Variants in NRG3 observed in about 807,000 individuals in gnomAD.
NRG3 encodes neuregulin 3.
In NRG3, 31 loss-of-function variants were observed where a neutral mutation model predicts 66.9. That is an observed-to-expected ratio of 0.46 (90% CI 0.35 to 0.63). NRG3 has a LOEUF of 0.63. Among genes scored for constraint, NRG3 ranks in the 20% least tolerant of loss-of-function variants. The pLI is 0.00. For missense variants in NRG3, 910 were observed against 878.9 expected (o/e 1.04, Z -0.45); for synonymous variants, 393 against 359.4 (o/e 1.09, Z -1.06).
At chr10:81,965,407 A>G (rs1396987896) in intron 1 of NRG3, among the ~76,000 whole-genome samples, 2 of 152,146 alleles carry the variant, frequency 1.3e-5, no homozygotes, top group African/African-American at 4.8e-5. Flanking sequence ...TAGATTTAAT[A>G]GAGTTTATAT....
chr10:82,611,677 AT>A (rs2048325952), intron 2 of NRG3, among the ~76,000 whole-genome samples: 1 of 152,198 alleles, frequency 6.6e-6, no homozygotes, highest in African/African-American at 2.4e-5. Context: ...ATTGATGGAC[AT>A]TTGGGTTGGT....
At chr10:82,336,927 T>G (rs1181994893) in intron 1 of NRG3, among the ~76,000 whole-genome samples, 1 of 152,220 alleles carries the variant, frequency 6.6e-6, no homozygotes, top group Admixed American at 6.5e-5. Context: ...ATATTTGTTC[T>G]GAAACAAAGG....
intron 4 of NRG3, among the ~76,000 whole-genome samples, chr10:82,934,270 A>G (rs1847861404): frequency 6.6e-6 from 1 of 152,260 alleles, no homozygotes; most frequent in African/African-American, 2.4e-5. Context: ...CGGTTAGGAC[A>G]TAAAGTAAAC....
intron 2 of NRG3, among the ~76,000 whole-genome samples, chr10:82,367,120 AT>A (rs1728725308): frequency 1.3e-5 from 2 of 152,120 alleles, no homozygotes; most frequent in African/African-American, 4.8e-5. Flanking sequence ...ATGTATAACT[AT>A]TCAATGTCAT....
At chr10:82,169,208 T>G (rs1038511079) in intron 1 of NRG3, among the ~76,000 whole-genome samples, 1 of 152,136 alleles carries the variant, frequency 6.6e-6, no homozygotes, top group Admixed American at 6.6e-5. Flanking sequence ...CTTTTATTCT[T>G]ATAATTCTAA....
intron 1 of NRG3, among the ~76,000 whole-genome samples, chr10:82,074,038 G>A (rs2064952883): frequency 6.6e-6 from 1 of 151,576 alleles, no homozygotes; most frequent in African/African-American, 2.4e-5. Context: ...TGAAAAGAGA[G>A]ATACAGCAGC....
chr10:82,892,794 GTAT>G (rs1843281997), intron 4 of NRG3, among the ~76,000 whole-genome samples: 2 of 151,836 alleles, frequency 1.3e-5, no homozygotes. Flanking sequence ...AGAGTAATGT[GTAT>G]TATTAATATC....
At chr10:82,201,424 C>T (rs2074817076) in intron 1 of NRG3, among the ~76,000 whole-genome samples, 1 of 152,058 alleles carries the variant, frequency 6.6e-6, no homozygotes, top group Non-Finnish European at 1.5e-5. Context: ...ATTTCTGTCT[C>T]AAACTGTCCA....
At chr10:82,456,997 G>A (rs1056478026) in intron 2 of NRG3, among the ~76,000 whole-genome samples, 2 of 151,944 alleles carry the variant, frequency 1.3e-5, no homozygotes, top group African/African-American at 4.8e-5. Context: ...ATCATCATAG[G>A]TATCTAGGAA....
chr10:82,509,758 G>A (rs1845000700), intron 2 of NRG3, among the ~76,000 whole-genome samples: 1 of 152,042 alleles, frequency 6.6e-6, no homozygotes, highest in Non-Finnish European at 1.5e-5. Flanking sequence ...GCATAATTAC[G>A]ACTGGTATTT....
intron 1 of NRG3, among the ~76,000 whole-genome samples, chr10:82,011,913 T>G (rs1377570333): frequency 6.6e-6 from 1 of 152,124 alleles, no homozygotes; most frequent in East Asian, 1.9e-4. Flanking sequence ...CTTTTCCAGA[T>G]GCACAGTGCA....
intron 2 of NRG3, among the ~76,000 whole-genome samples, chr10:82,360,449 C>G (rs1310344144): frequency 6.6e-6 from 1 of 152,184 alleles, no homozygotes; most frequent in African/African-American, 2.4e-5. Context: ...GAATCAGAAG[C>G]ATTAGCTAAA....
intron 3 of NRG3, among the ~76,000 whole-genome samples, chr10:82,812,488 G>T (rs2061530867): frequency 6.6e-6 from 1 of 152,124 alleles, no homozygotes; most frequent in Admixed American, 6.5e-5. Flanking sequence ...TTAATCCTAG[G>T]TGAGATAAAA....
chr10:82,843,909 A>T (rs1044188396), intron 3 of NRG3, among the ~76,000 whole-genome samples: 1 of 152,230 alleles, frequency 6.6e-6, no homozygotes, highest in African/African-American at 2.4e-5. Flanking sequence ...ATATAAACCT[A>T]TCTACATAGC....
chr10:82,208,782 T>C (rs922325719), intron 1 of NRG3, among the ~76,000 whole-genome samples: 5 of 152,122 alleles, frequency 3.3e-5, no homozygotes, highest in Non-Finnish European at 5.9e-5. Context: ...TTAATAAATA[T>C]TACTAAAATA....
intron 1 of NRG3, chr10:81,877,776 T>A: frequency 7.3e-7 from 1 of 1,365,890 alleles, no homozygotes; most frequent in Non-Finnish European, 9.4e-7. Context: ...GCTGAAGCAG[T>A]CATTTTTGAG....
At chr10:81,937,523 T>G (rs1042230955) in intron 1 of NRG3, among the ~76,000 whole-genome samples, 1 of 152,156 alleles carries the variant, frequency 6.6e-6, no homozygotes, top group African/African-American at 2.4e-5. Context: ...GATAATCTTT[T>G]AATATGCTTG....
At chr10:82,912,844 G>C (rs1247298172) in intron 4 of NRG3, among the ~76,000 whole-genome samples, 1 of 152,014 alleles carries the variant, frequency 6.6e-6, no homozygotes, top group Non-Finnish European at 1.5e-5. Context: ...TATTTTGTTA[G>C]TGATTCCCTA....
chr10:82,259,961 C>CAAAT (rs995735282), intron 1 of NRG3, among the ~76,000 whole-genome samples: 1 of 151,590 alleles, frequency 6.6e-6, no homozygotes, highest in Non-Finnish European at 1.5e-5. Flanking sequence ...AACTGATAAA[C>CAAAT]AAATAAATAA....
Sources: gnomAD v4.1 joint callset for allele counts (sites outside exome capture counted in the v4.1 genomes callset) on GRCh38, gnomAD v4.1.1 for gene constraint, MANE v1.5 for transcripts, NCBI Gene and HGNC (gene_info 2026-07-23, HGNC 2026-07-21) for gene names.